The following PCDHGA8 variants were observed in gnomAD, a reference collection of about 807,000 sequenced individuals.
PCDHGA8 encodes the protein protocadherin gamma-A8.
In PCDHGA8, 45 loss-of-function variants were observed where a neutral mutation model predicts 59.2. That is an observed-to-expected ratio of 0.76 (90% CI 0.60 to 0.98). PCDHGA8 has a LOEUF of 0.98. Among genes scored for constraint, PCDHGA8 ranks in the 50% least tolerant of loss-of-function variants. The pLI is 0.00. For missense variants in PCDHGA8, 1,257 were observed against 1,196.2 expected (o/e 1.05, Z -0.75); for synonymous variants, 531 against 519.0 (o/e 1.02, Z -0.32).
intron 1 of PCDHGA8, chr5:141,422,106 C>T: frequency 6.2e-7 from 1 of 1,607,266 alleles, no homozygotes; most frequent in Non-Finnish European, 8.5e-7. Flanking sequence ...CTGAAATATT[C>T]CAATTGGATT....
intron 1 of PCDHGA8, among the ~76,000 whole-genome samples, chr5:141,450,830 T>A (rs923422605): frequency 3.0e-5 from 3 of 101,548 alleles, no homozygotes; most frequent in African/African-American, 1.3e-4. Context: ...ATTATTATTA[T>A]TTTTTTTTTT....
At chr5:141,421,618 G>A (rs748399893) in intron 1 of PCDHGA8, 1 of 1,613,766 alleles carries the variant, frequency 6.2e-7, no homozygotes, top group African/African-American at 1.3e-5. Context: ...TAATGATAAC[G>A]CCCCCAGCTT....
chr5:141,408,669 C>T lies in PCDHGA8; in HGVS notation c.2424+13432C>T, dbSNP rs2095146839. ...GCTGGTACACGACTATCGCTTGACCCTGCCACGGATCCTGATATAAACATA... is the reference window on the plus strand; with the variant it reads ...GCTGGTACACGACTATCGCTTGACCTTGCCACGGATCCTGATATAAACATA... On this transcript the variant is annotated intron_variant, in intron 1 of 3. Transcript: ENST00000398604. The T allele has an allele frequency of 2.5e-6, 4 of 1,613,988 alleles. No homozygotes were observed. Among genetic ancestry groups the T allele is most frequent in the South Asian group, 2.2e-5 (2 of 91,078 alleles).
At chr5:141,441,638 G>A (rs1456506194) in intron 1 of PCDHGA8, 2 of 226,008 alleles carry the variant, frequency 8.8e-6, no homozygotes, top group Non-Finnish European at 1.8e-5. Flanking sequence ...AGCCACAGGC[G>A]CTGTGATTCT....
At chr5:141,415,153 G>A in intron 1 of PCDHGA8, 4 of 1,613,780 alleles carry the variant, frequency 2.5e-6, no homozygotes, top group South Asian at 2.2e-5. Flanking sequence ...CCCTCTCTCC[G>A]CCACTGTCAC....
chr5:141,465,505 G>C (rs905617997), intron 1 of PCDHGA8, among the ~76,000 whole-genome samples: 1 of 152,190 alleles, frequency 6.6e-6, no homozygotes, highest in Non-Finnish European at 1.5e-5. Context: ...CATTGTCGTG[G>C]TCAGGAAGGA....
At chr5:141,456,099 G>A (rs1428094221) in intron 1 of PCDHGA8, among the ~76,000 whole-genome samples, 5 of 151,980 alleles carry the variant, frequency 3.3e-5, no homozygotes, top group East Asian at 1.9e-4. Flanking sequence ...GGATTTCACC[G>A]TGTTAGCCAG....
intron 1 of PCDHGA8, chr5:141,478,456 T>A (rs371773090): frequency 3.1e-6 from 5 of 1,613,366 alleles, no homozygotes; most frequent in African/African-American, 2.7e-5. Context: ...GTGCAGCCAG[T>A]CCACTGGCCA....
chr5:141,401,712 A>G (rs987480271), intron 1 of PCDHGA8, among the ~76,000 whole-genome samples: 1 of 152,226 alleles, frequency 6.6e-6, no homozygotes, highest in Non-Finnish European at 1.5e-5. Flanking sequence ...TCCATTTTTA[A>G]GACAAAAACT....
At chr5:141,478,733 T>C (rs1562072874) in intron 1 of PCDHGA8, 8 of 1,537,128 alleles carry the variant, frequency 5.2e-6, no homozygotes, top group Non-Finnish European at 7.0e-6. Context: ...AGAGTGTGGT[T>C]TGTGGTCCCA....
intron 1 of PCDHGA8, chr5:141,408,518 T>G: frequency 6.2e-7 from 1 of 1,614,012 alleles, no homozygotes; most frequent in Non-Finnish European, 8.5e-7. Flanking sequence ...TGAGTTGCAA[T>G]TGGAAGCTGT....
At chr5:141,460,991 A>G (rs889917939) in intron 1 of PCDHGA8, among the ~76,000 whole-genome samples, 39 of 141,522 alleles carry the variant, frequency 2.8e-4, no homozygotes, top group East Asian at 1.0e-3. Flanking sequence ...GTGTATATAT[A>G]TATATGTGTA....
Position 141,421,726 on chromosome 5 carries a change from T to G in PCDHGA8, c.2424+26489T>G. On this transcript the variant is annotated intron_variant, in intron 1 of 3. Transcript: ENST00000398604. The stretch of plus-strand genomic sequence containing the variant: ...TAGGGATCCAGATGTGGGCGTGAAC[T>G]CCCTCCAGAGCTACCAGCTCAGCCC... 1 of 1,613,928 alleles carries G rather than the reference T, an allele frequency of 6.2e-7. No homozygotes were observed. Among genetic ancestry groups the G allele is most frequent in the Non-Finnish European group, 8.5e-7 (1 of 1,179,852 alleles).
chr5:141,415,264 C>T, intron 1 of PCDHGA8: 3 of 1,614,210 alleles, frequency 1.9e-6, no homozygotes, highest in South Asian at 1.1e-5. Flanking sequence ...CACTCTGTAC[C>T]TGGTGGTAGC....
At chr5:141,409,104 T>C in intron 1 of PCDHGA8, 3 of 1,613,960 alleles carry the variant, frequency 1.9e-6, no homozygotes, top group Non-Finnish European at 2.5e-6. Context: ...ACAGGTATGA[T>C]TAAGAATAAC....
At chr5:141,474,156 A>C (rs1387216017) in intron 1 of PCDHGA8, among the ~76,000 whole-genome samples, 1 of 152,244 alleles carries the variant, frequency 6.6e-6, no homozygotes, top group East Asian at 1.9e-4. Flanking sequence ...CAAGAAAATG[A>C]CAGGCCTTAT....
intron 2 of PCDHGA8, among the ~76,000 whole-genome samples, chr5:141,505,050 T>C (rs1190927211): frequency 2.0e-5 from 3 of 152,130 alleles, no homozygotes; most frequent in Non-Finnish European, 4.4e-5. Context: ...TCATCCCAGC[T>C]ACTTGGGAGA....
Position 141,421,488 on chromosome 5 carries a change from G to A in PCDHGA8, c.2424+26251G>A. On this transcript the variant is annotated intron_variant, in intron 1 of 3. Transcript: ENST00000398604. ...ATCCGCGAAGCGGCAGCTTGATCAC[G>A]GCAGGCAGGATAGACCGGGAGGAGC... The A allele has an allele frequency of 1.9e-6, 3 of 1,614,100 alleles. No homozygotes were observed. In the South Asian group the frequency reaches 3.3e-5, roughly 18 times the overall value.
At chr5:141,448,449 T>C (rs528049717) in intron 1 of PCDHGA8, among the ~76,000 whole-genome samples, 1 of 152,284 alleles carries the variant, frequency 6.6e-6, no homozygotes, top group South Asian at 2.1e-4. Context: ...CTGACTTCCA[T>C]CCCTATCCTA....
Sources: allele counts gnomAD v4.1 joint callset (sites outside exome capture counted in the v4.1 genomes callset), GRCh38; gene constraint gnomAD v4.1.1; transcripts MANE v1.5; gene names NCBI Gene and HGNC (gene_info 2026-07-23, HGNC 2026-07-21).